ACLY: variants seen among roughly 807,000 people sequenced by gnomAD.
The protein encoded by ACLY is ATP citrate lyase.
Under a neutral mutation model 133.0 loss-of-function variants are expected in ACLY, and 41 were observed. The ratio of observed to expected loss-of-function variants is 0.31; its 90% confidence interval spans 0.24 to 0.40. ACLY has a LOEUF of 0.40. ACLY is among the 10% of genes least tolerant of loss of function. ACLY has a pLI of 1.00. For missense variants in ACLY, 1,046 were observed against 1,453.8 expected (o/e 0.72, Z 4.56); for synonymous variants, 495 against 549.3 (o/e 0.90, Z 1.38).
At chr17:41,879,816 T>G in intron 20 of ACLY, among the ~76,000 whole-genome samples, 1 of 150,858 alleles carries the variant, frequency 6.6e-6, no homozygotes. Flanking sequence ...CCTCCCAGGC[T>G]CGGGTGATTC....
intron 16 of ACLY, among the ~76,000 whole-genome samples, chr17:41,889,257 G>A (rs782670291): frequency 1.3e-5 from 2 of 152,018 alleles, no homozygotes; most frequent in African/African-American, 2.4e-5. Context: ...GGTGGCTCAC[G>A]CCTGTAATAT....
intron 20 of ACLY, among the ~76,000 whole-genome samples, chr17:41,879,469 G>A (rs1229766810): frequency 7.2e-6 from 1 of 138,758 alleles, no homozygotes; most frequent in Admixed American, 7.4e-5. Flanking sequence ...CCAGGCAGGA[G>A]TAAAGTGATG....
chr17:41,896,606 TG>T lies in ACLY; in HGVS notation c.1459+13del. ...AGCCACACGCGGAGTGGGGGCAGGG[TG>T]GGGGCATCCTACCTTGCAGGGATCT... On this transcript the variant is annotated intron_variant, in intron 14 of 28. Coordinates refer to ENST00000352035, the MANE Select transcript of ACLY (RefSeq NM_001096.3). 1.9e-6 allele frequency: 3 copies of T among 1,553,018 alleles called. No individual in the cohort carries two copies. Among genetic ancestry groups the T allele is most frequent in the Non-Finnish European group, 2.6e-6 (3 of 1,148,854 alleles).
At chr17:41,887,516 G>A in intron 17 of ACLY, 83 bp downstream of exon 17, 1 of 1,070,170 alleles carries the variant, frequency 9.3e-7, no homozygotes, top group South Asian at 1.3e-5. Flanking sequence ...GGAGATAGAG[G>A]AGTCAAAAAG....
intron 28 of ACLY, 103 bp downstream of exon 28, chr17:41,868,606 A>G: frequency 1.4e-6 from 1 of 694,464 alleles, no homozygotes; most frequent in Non-Finnish European, 2.1e-6. Flanking sequence ...AAATTAAAAA[A>G]AAAAAAAAAG....
In ACLY at chr17:41,914,147, TC is replaced by T. The variant is rs144562818; in HGVS notation, c.-23-252del. Among the ~76,000 whole-genome samples, 525 of 152,232 alleles carry T rather than the reference TC, an allele frequency of 3.4e-3. 6 individuals carry two copies. Among genetic ancestry groups the T allele is most frequent in the African/African-American group, 0.012 (506 of 41,550 alleles). The stretch of plus-strand genomic sequence containing the variant: ...GATAGAGAAAAACAAAAGTGCCATT[TC>T]CCCTGGGACTCTTGCCTTACCCTGC... On this transcript the variant is annotated intron_variant, in intron 1 of 28. Transcript: ENST00000352035.
intron 20 of ACLY, among the ~76,000 whole-genome samples, chr17:41,879,564 A>G (rs1271440395): frequency 7.3e-6 from 1 of 137,084 alleles, no homozygotes; most frequent in Non-Finnish European, 1.5e-5. Context: ...GACTATAGAT[A>G]TGTGCCCAGG....
At chr17:41,883,349 G>T in intron 19 of ACLY, 117 bp from the exon 20 acceptor site, 1 of 766,492 alleles carries the variant, frequency 1.3e-6, no homozygotes, top group Non-Finnish European at 2.1e-6. Flanking sequence ...TTTAATTTCA[G>T]CCTGGACACA....
chr17:41,900,924 T>C (rs4550498), intron 11 of ACLY, among the ~76,000 whole-genome samples: 133,353 of 151,578 alleles, frequency 0.88, 59,091 homozygotes, highest in East Asian at 1. Flanking sequence ...TCCCTCATTC[T>C]AGGTCTTTGC....
intron 11 of ACLY, among the ~76,000 whole-genome samples, chr17:41,901,008 G>A (rs1188285715): frequency 1.3e-5 from 2 of 151,664 alleles, no homozygotes; most frequent in Non-Finnish European, 2.9e-5. Flanking sequence ...AGGCTGGAGT[G>A]CAGTGGCATG....
In ACLY at chr17:41,886,101, C is replaced by T; in HGVS notation, c.2072+11G>A. 1 of 1,606,048 alleles carries T rather than the reference C, an allele frequency of 6.2e-7. No individual in the cohort carries two copies. The highest frequency in any genetic ancestry group is 8.5e-7 in the Non-Finnish European group (1 of 1,173,600). On this transcript the variant is annotated intron_variant, in intron 18 of 28. Coordinates refer to ENST00000352035, the MANE Select transcript of ACLY (RefSeq NM_001096.3). ...AGCAGGAAGCCCCTCCTTGGCTTCC[C>T]AGCTGATTACCTGTCCCCACCAATG...
chr17:41,924,491 T>C (rs1386928055), intron 1 of ACLY, among the ~76,000 whole-genome samples: 1 of 152,098 alleles, frequency 6.6e-6, no homozygotes, highest in Non-Finnish European at 1.5e-5. Context: ...GAGTATCCAG[T>C]TCTAAACCCA....
At chr17:41,868,875 GA>G in intron 27 of ACLY, 90 bp from the exon 28 acceptor site, 1 of 1,440,864 alleles carries the variant, frequency 6.9e-7, no homozygotes, top group Non-Finnish European at 9.8e-7. Flanking sequence ...AGAATGAGAA[GA>G]AAAGGGGTGC....
intron 23 of ACLY, among the ~76,000 whole-genome samples, chr17:41,872,804 T>C (rs115670861): frequency 6.6e-6 from 1 of 152,266 alleles, no homozygotes; most frequent in African/African-American, 2.4e-5. Context: ...GGAGGCCCCA[T>C]GCCTCATTCC....
Position 41,915,310 on chromosome 17 carries a change from C to G in ACLY, c.-23-1414G>C, listed in dbSNP as rs537445885. On this transcript the variant is annotated intron_variant, in intron 1 of 28. Coordinates refer to ENST00000352035, the MANE Select transcript of ACLY (RefSeq NM_001096.3). ...TCAGGAAAAGTCACTCCTGACTCCC[C>G]CAAAGCCCAGAAGCAAAGCTGTTTA... is the stretch of plus-strand genomic sequence containing the variant. Among the ~76,000 whole-genome samples, 5 of 152,252 alleles carry G rather than the reference C, an allele frequency of 3.3e-5. No individual in the cohort carries two copies. In the East Asian group the frequency reaches 9.6e-4, roughly 29 times the overall value.
intron 4 of ACLY, among the ~76,000 whole-genome samples, 173 bp from the exon 5 acceptor site, chr17:41,909,873 T>C (rs1186001784): frequency 1.3e-5 from 2 of 152,158 alleles, no homozygotes; most frequent in Admixed American, 6.5e-5. Flanking sequence ...TCCACCATCT[T>C]TTCCCCGAGG....
intron 14 of ACLY, among the ~76,000 whole-genome samples, chr17:41,894,376 CAAAAAA>C (rs11351286): frequency 1.7e-5 from 1 of 59,950 alleles, no homozygotes; most frequent in Non-Finnish European, 3.0e-5. Context: ...GACCCTGTCT[CAAAAAA>C]AAAAAAAAAA....
At chr17:41,873,370 G>A (rs1208774664) in intron 23 of ACLY, among the ~76,000 whole-genome samples, 2 of 151,942 alleles carry the variant, frequency 1.3e-5, no homozygotes, top group South Asian at 4.1e-4. Context: ...TAGTAGAGAT[G>A]GGGTTTCACC....
chr17:41,906,406 C>T lies in ACLY; in HGVS notation c.866+122G>A, dbSNP rs782596367. Reference sequence around the variant, plus strand: ...CATCCCTCGAAGCCCTCTGGGATGCCACTGCTTTCCTCTGCCCCAAATTCC... The same window carrying T: ...CATCCCTCGAAGCCCTCTGGGATGCTACTGCTTTCCTCTGCCCCAAATTCC... On this transcript the variant is annotated intron_variant, in intron 8 of 28. Transcript: ENST00000352035. 56 of 812,012 alleles carry T rather than the reference C, an allele frequency of 6.9e-5. 1 individual carries two copies. The highest frequency in any genetic ancestry group is 1.0e-4 in the Non-Finnish European group (50 of 485,886). 50.3% of individuals were successfully genotyped at this position (812,012 alleles called of 1,614,324 possible). A position where few individuals can be genotyped will look rare whatever the true frequency, so the allele number is the denominator to read the frequency against.
Sources: allele counts gnomAD v4.1 joint callset (sites outside exome capture counted in the v4.1 genomes callset), GRCh38; gene constraint gnomAD v4.1.1; transcripts MANE v1.5; gene names NCBI Gene and HGNC (gene_info 2026-07-23, HGNC 2026-07-21).